The following MAP4 variants were observed in gnomAD, a reference collection of about 807,000 sequenced individuals.
MAP4 encodes the protein microtubule-associated protein 4.
In MAP4, 76 loss-of-function variants were observed where a neutral mutation model predicts 170.2. The ratio of observed to expected loss-of-function variants is 0.45; its 90% CI spans 0.37 to 0.54. The LOEUF (loss-of-function observed/expected upper bound fraction) is 0.54. Among genes scored for constraint, MAP4 ranks in the 20% least tolerant of loss-of-function variants. The pLI, the probability that MAP4 is intolerant of heterozygous loss-of-function variation, is 0.00. For missense variants in MAP4, 2,506 were observed against 2,748.0 expected, an observed-to-expected ratio of 0.91 and a Z score of 1.97; for synonymous variants, 909 against 994.5, an observed-to-expected ratio of 0.91 and a Z score of 1.62.
chr3:48,071,951 T>C (rs2100141230), intron 1 of MAP4, among the ~76,000 whole-genome samples: 1 of 151,946 alleles, frequency 6.6e-6, no homozygotes, highest in South Asian at 2.1e-4. Flanking sequence ...CCAGGAGCAG[T>C]GGCTCACGTC....
At chr3:47,854,641 GA>G (rs1458203366) in intron 19 of MAP4, among the ~76,000 whole-genome samples, 1 of 152,170 alleles carries the variant, frequency 6.6e-6, no homozygotes, top group Non-Finnish European at 1.5e-5. Flanking sequence ...AGGAAGGGAG[GA>G]AAGAGGAGAG....
At chr3:47,993,361 G>C (rs1195453854) in intron 2 of MAP4, among the ~76,000 whole-genome samples, 1 of 152,132 alleles carries the variant, frequency 6.6e-6, no homozygotes, top group Non-Finnish European at 1.5e-5. Context: ...TAAAGGAGGA[G>C]ATGATGTTGA....
rs80344513 is a variant in MAP4 at position 47,968,914 on chromosome 3, A to G, written c.292+8951T>C. 4.0e-3 allele frequency among the ~76,000 whole-genome samples: 614 copies of G among 152,310 alleles called. 6 individuals are homozygous for G. The highest frequency in any genetic ancestry group is 0.014 in the African/African-American group (595 of 41,586). ...CCAGAAATGAAAAGGAGATATCACTATGAATCTTACAGGAATAAAAAAGGT... is the reference window on the plus strand; with the variant it reads ...CCAGAAATGAAAAGGAGATATCACTGTGAATCTTACAGGAATAAAAAAGGT... On this transcript the variant is annotated intron_variant, in intron 3 of 20. Coordinates refer to ENST00000683076, the MANE Select transcript of MAP4 (RefSeq NM_001385682.1).
In MAP4 at chr3:47,871,938, G is replaced by T. The variant is rs1406019695; in HGVS notation, c.5920C>A (p.Leu1974Ile). ...TCACCAGTGGGCTTCTTGGGCAGGA[G>T]CGTGGAGGGGCTCCTACTGCTTGGG... The part of the protein sequence containing the change: ...TGPSSRSPST[L>I]LPKKPTAIKT... The change falls in exon 13 of 21, where the codon CTC (leucine) becomes ATC (isoleucine). Residue 1974 changes from leucine to isoleucine, a missense_variant. Around this residue, in one of 3 missense-constraint regions of MAP4, gnomAD observed 487 missense variants for 511.6 expected, o/e 0.95. Transcript: ENST00000683076. 2 of 1,612,852 alleles carry T rather than the reference G, an allele frequency of 1.2e-6. No homozygotes were observed. Among genetic ancestry groups the T allele is most frequent in the East Asian group, 2.2e-5 (1 of 44,818 alleles).
rs780600968 is a variant in MAP4 at position 47,916,319 on chromosome 3, A to C, written c.1508T>G (p.Leu503Trp). The C allele has an allele frequency of 2.5e-6, 4 of 1,614,234 alleles. No individual in the cohort carries two copies. In the South Asian group the frequency reaches 4.4e-5, roughly 18 times the overall value. Residue 503 changes from leucine to tryptophan, a missense_variant, in exon 7 of 21, where the codon TTG becomes TGG. Coordinates refer to ENST00000683076, the MANE Select transcript of MAP4 (RefSeq NM_001385682.1). Reference sequence around the variant, plus strand: ...TTCTGATAGTGGAGACATGTCCTTCAACAAGCCCACTTCTTTTACTGTGGA... The same window carrying C: ...TTCTGATAGTGGAGACATGTCCTTCCACAAGCCCACTTCTTTTACTGTGGA... ...APSTVKEVGL[L>W]KDMSPLSETE...
chr3:47,893,759 CTTT>C (rs746999860), intron 10 of MAP4, among the ~76,000 whole-genome samples: 5 of 134,354 alleles, frequency 3.7e-5, no homozygotes, highest in Non-Finnish European at 8.1e-5. Flanking sequence ...ATTTAGATTG[CTTT>C]TTTTTTTTTT....
intron 1 of MAP4, among the ~76,000 whole-genome samples, chr3:48,074,560 C>A (rs1304115904): frequency 1.5e-5 from 2 of 136,168 alleles, no homozygotes; most frequent in East Asian, 4.3e-4. Flanking sequence ...GTTGCCCATG[C>A]TGGATTGCAA....
chr3:48,087,018 T>A, intron 1 of MAP4, among the ~76,000 whole-genome samples: 1 of 152,204 alleles, frequency 6.6e-6, no homozygotes, highest in Non-Finnish European at 1.5e-5. Context: ...TTCCCATCAG[T>A]CTCAATTTCC....
intron 1 of MAP4, among the ~76,000 whole-genome samples, chr3:48,013,709 T>TA (rs11373263): frequency 0.62 from 84,007 of 134,608 alleles, 26,101 homozygotes; most frequent in East Asian, 0.71. Flanking sequence ...TGAGGTTTAT[T>TA]AAAAAAAAAA....
chr3:47,977,011 G>A (rs1030096795), intron 3 of MAP4, among the ~76,000 whole-genome samples: 1 of 152,134 alleles, frequency 6.6e-6, no homozygotes, highest in Non-Finnish European at 1.5e-5. Flanking sequence ...ACAGAAATAT[G>A]ACAAATCTAG....
At chr3:47,923,963 G>A (rs1198448044) in intron 4 of MAP4, among the ~76,000 whole-genome samples, 2 of 152,142 alleles carry the variant, frequency 1.3e-5, no homozygotes, top group Non-Finnish European at 2.9e-5. Flanking sequence ...CTTCCCCCTT[G>A]AGGGAAAAAA....
Position 47,872,085 on chromosome 3 carries a change from T to C in MAP4, c.5773A>G (p.Lys1925Glu). Residue 1925 changes from lysine to glutamate, a missense_variant, in exon 13 of 21, where the codon AAG (lysine) becomes GAG (glutamate). Transcript: ENST00000683076. ...DVKPKPIADAKAPEKRASPSK... is the reference protein window; with the variant it reads ...DVKPKPIADAEAPEKRASPSK... ...GGTGAGGCCCGCTTCTCAGGAGCCTTTGCATCTGCAATGGGCTGGAAATAG... is the reference window on the plus strand; with the variant it reads ...GGTGAGGCCCGCTTCTCAGGAGCCTCTGCATCTGCAATGGGCTGGAAATAG... 1 of 1,611,782 alleles carries C rather than the reference T, an allele frequency of 6.2e-7. No homozygotes were observed. Among genetic ancestry groups the C allele is most frequent in the African/African-American group, 1.3e-5 (1 of 75,016 alleles).
upstream of MAP4, among the ~76,000 whole-genome samples, chr3:48,017,615 G>A (rs2100108437): frequency 6.6e-6 from 1 of 151,502 alleles, no homozygotes; most frequent in Non-Finnish European, 1.5e-5. Context: ...TAGTCACATG[G>A]GACCATCTAC....
intron 9 of MAP4, among the ~76,000 whole-genome samples, chr3:47,904,057 CTTTTT>C (rs1450911247): frequency 6.6e-6 from 1 of 152,050 alleles, no homozygotes; most frequent in Non-Finnish European, 1.5e-5. Flanking sequence ...TCATCTTTTT[CTTTTT>C]AAGTACCTGA....
chr3:47,968,147 T>C (rs548618402), intron 3 of MAP4, among the ~76,000 whole-genome samples: 30 of 152,266 alleles, frequency 2.0e-4, no homozygotes, highest in South Asian at 8.3e-4. Flanking sequence ...GAGCAAACAA[T>C]AGACTACTCA....
chr3:47,926,230 C>T (rs2100045859), intron 4 of MAP4, among the ~76,000 whole-genome samples: 1 of 151,146 alleles, frequency 6.6e-6, no homozygotes, highest in Admixed American at 6.6e-5. Context: ...GTCACCCAAG[C>T]TGGAGTTCAG....
Position 47,898,426 on chromosome 3 carries a change from C to T in MAP4, c.5434+4524G>A, listed in dbSNP as rs150715545. On this transcript the variant is annotated intron_variant, in intron 10 of 20. Transcript: ENST00000683076. ...CTGAGGCAGGAGAATTGCTTGAATCCGGGAGGCAGAGGTTGCAGTGAGCTG... is the reference window on the plus strand; with the variant it reads ...CTGAGGCAGGAGAATTGCTTGAATCTGGGAGGCAGAGGTTGCAGTGAGCTG... Among the ~76,000 whole-genome samples, 1,345 of 151,280 alleles carry T rather than the reference C, an allele frequency of 8.9e-3. 20 individuals are homozygous for T. The highest frequency in any genetic ancestry group is 0.031 in the African/African-American group (1,271 of 41,150).
intron 1 of MAP4, among the ~76,000 whole-genome samples, chr3:48,084,112 A>C (rs903749544): frequency 5.3e-5 from 8 of 151,346 alleles, no homozygotes; most frequent in African/African-American, 1.9e-4. Context: ...CAGGAGGCTG[A>C]GGCAGGAGAA....
chr3:47,854,655 G>C (rs953148899), intron 19 of MAP4, among the ~76,000 whole-genome samples: 1 of 152,038 alleles, frequency 6.6e-6, no homozygotes, highest in Non-Finnish European at 1.5e-5. Context: ...GAGGAGAGAG[G>C]GAAGGGAGAA....
Sources: gnomAD v4.1 joint callset for allele counts (sites outside exome capture counted in the v4.1 genomes callset) on GRCh38, gnomAD v4.1.1 for gene constraint, gnomAD v4.1.1 regional missense constraint, MANE v1.5 for transcripts, NCBI Gene and HGNC (gene_info 2026-07-23, HGNC 2026-07-21) for gene names.